FLNB: variants seen among roughly 807,000 people sequenced by gnomAD.
FLNB encodes the protein filamin-B.
A neutral mutation model predicts 250.6 loss-of-function variants in FLNB; 111 were observed. The observed-to-expected ratio is 0.44, with a 90% CI of 0.38 to 0.52. FLNB has a LOEUF of 0.52. FLNB is among the 20% of genes least tolerant of loss of function. The probability of loss-of-function intolerance (pLI) is 0.00; values close to 1 mark genes in which losing one functional copy is unlikely to be tolerated. For missense variants in FLNB, 2,869 were observed against 3,447.8 expected (o/e 0.83, Z 4.20); for synonymous variants, 1,302 against 1,372.1 (o/e 0.95, Z 1.13).
intron 3 of FLNB, 125 bp from the exon 4 acceptor site, chr3:58,081,504 C>A: frequency 2.1e-6 from 2 of 941,222 alleles, no homozygotes; most frequent in Non-Finnish European, 1.7e-6. Flanking sequence ...AGTAATTTCA[C>A]TTAATTGAGA....
chr3:58,078,163 C>A, intron 2 of FLNB: 1 of 627,868 alleles, frequency 1.6e-6, no homozygotes, highest in Non-Finnish European at 2.0e-6. Flanking sequence ...ATTCAAAGTG[C>A]AGCATTAATT....
intron 38 of FLNB, 98 bp downstream of exon 38, chr3:58,150,325 A>G (rs561954686): frequency 2.9e-6 from 4 of 1,387,086 alleles, no homozygotes; most frequent in Non-Finnish European, 1.0e-6. Flanking sequence ...CCCAGAACAC[A>G]GTATCCAAGT....
chr3:58,031,568 T>TTA (rs11397157), intron 1 of FLNB, among the ~76,000 whole-genome samples: 1 of 147,012 alleles, frequency 6.8e-6, no homozygotes, highest in Admixed American at 6.8e-5. Flanking sequence ...TTTTTTTTTT[T>TTA]AAAGGCAGAG....
At chr3:58,098,970 A>G in intron 8 of FLNB, 62 bp downstream of exon 8, 3 of 1,446,870 alleles carry the variant, frequency 2.1e-6, no homozygotes, top group Non-Finnish European at 2.9e-6. Context: ...ACAGCTGGGC[A>G]GGGAGGCCAG....
chr3:58,133,235 C>T (rs1467822760), intron 26 of FLNB, among the ~76,000 whole-genome samples: 5 of 152,120 alleles, frequency 3.3e-5, no homozygotes, highest in African/African-American at 1.2e-4. Context: ...ATATTTGTGG[C>T]TCCCGCTCTC....
chr3:58,038,143 C>T (rs1008686413), intron 1 of FLNB, among the ~76,000 whole-genome samples: 5 of 152,050 alleles, frequency 3.3e-5, no homozygotes, highest in Admixed American at 1.3e-4. Context: ...GATTCTCCTG[C>T]CTCAGCCTCC....
intron 11 of FLNB, 47 bp downstream of exon 11, chr3:58,105,263 C>T (rs1361761654): frequency 6.2e-7 from 1 of 1,612,696 alleles, no homozygotes; most frequent in South Asian, 1.1e-5. Flanking sequence ...CTGAGGATTA[C>T]AGGGCTTCCG....
chr3:58,148,032 C>A (rs1365680362), intron 34 of FLNB, among the ~76,000 whole-genome samples, 174 bp from the exon 35 acceptor site: 5 of 152,168 alleles, frequency 3.3e-5, no homozygotes, highest in Middle Eastern at 3.2e-3. Flanking sequence ...AGGCATGAAT[C>A]CCATCATTCT....
chr3:58,081,805 G>A, intron 4 of FLNB, 29 bp downstream of exon 4: 1 of 1,612,986 alleles, frequency 6.2e-7, no homozygotes, highest in South Asian at 1.1e-5. Context: ...GTGTTGTATT[G>A]GAGACATGTC....
Position 58,170,661 on chromosome 3 carries a change from A to G in FLNB, c.7708A>G (p.Asn2570Asp). Residue 2570 changes from asparagine to aspartate, a missense_variant, in exon 46 of 46, where the codon AAC becomes GAC. Asn to Asp is a conservative substitution (Grantham distance 23, BLOSUM62 1). Around this residue, in one of 5 missense-constraint regions of FLNB, gnomAD observed 1,084 missense variants for 1,315.5 expected, o/e 0.82. Transcript: ENST00000295956. ...SMKHVGNQQY[N>D]VTYVVKERGD... is the part of the protein sequence containing the mutation. ...GAAGCATGTAGGCAACCAGCAATAC[A>G]ACGTCACATACGTCGTCAAGGAGAG... 1.2e-6 allele frequency: 2 copies of G among 1,614,100 alleles called. No individual in the cohort carries two copies. Among genetic ancestry groups the G allele is most frequent in the East Asian group, 2.2e-5 (1 of 44,868 alleles).
Position 58,169,864 on chromosome 3 carries a change from TC to T in FLNB, c.7621+74del. The T allele has an allele frequency of 7.5e-7, 1 of 1,339,312 alleles. No homozygotes were observed. Among genetic ancestry groups the T allele is most frequent in the East Asian group, 2.4e-5 (1 of 42,102 alleles). 83.0% of individuals were successfully genotyped at this position (1,339,312 alleles called of 1,614,324 possible). A position where few individuals can be genotyped will look rare whatever the true frequency, so the allele number is the denominator to read the frequency against. ...CTGGGCACCCTGGGTACACTGGCCT[TC>T]CCTGCTGAGGTCTCCTGCAGTGCCC... On this transcript the variant is annotated intron_variant, in intron 45 of 45. Coordinates refer to ENST00000295956, the MANE Select transcript of FLNB (RefSeq NM_001457.4). The surrounding 1 kb of genome is among the most constrained non-coding windows in gnomAD (Gnocchi z 4.8).
intron 1 of FLNB, among the ~76,000 whole-genome samples, chr3:58,037,835 A>G (rs763286819): frequency 6.6e-6 from 1 of 152,218 alleles, no homozygotes; most frequent in East Asian, 1.9e-4. Context: ...ACTAGAGAAC[A>G]TGATCTTAAA....
chr3:58,159,350 T>C (rs558506802), intron 41 of FLNB, among the ~76,000 whole-genome samples: 2 of 152,304 alleles, frequency 1.3e-5, no homozygotes, highest in East Asian at 3.9e-4. Flanking sequence ...ATCAAGATGG[T>C]TTGCATAAGA....
rs548818905 is a variant in FLNB at position 58,058,710 on chromosome 3, A to T, written c.293-18336A>T. Among the ~76,000 whole-genome samples, 31 of 152,332 alleles carry T rather than the reference A, an allele frequency of 2.0e-4. 2 individuals are homozygous for T. The South Asian group carries it at 6.4e-3, about 32-fold the overall frequency. ...GTCCTTTATCTGCAAAACTTCTTGAATCCAAATAGCGAGATTCTCATTTCT... is the reference window on the plus strand; with the variant it reads ...GTCCTTTATCTGCAAAACTTCTTGATTCCAAATAGCGAGATTCTCATTTCT... On this transcript the variant is annotated intron_variant, in intron 1 of 45. Transcript: ENST00000295956.
chr3:58,169,861 C>A lies in FLNB; in HGVS notation c.7621+68C>A. On this transcript the variant is annotated intron_variant, in intron 45 of 45. Coordinates refer to ENST00000295956, the MANE Select transcript of FLNB (RefSeq NM_001457.4). This position sits in a 1 kb window ranked among gnomAD's most constrained non-coding sequence, Gnocchi z 4.8. ...AGGCTGGGCACCCTGGGTACACTGG[C>A]CTTCCCTGCTGAGGTCTCCTGCAGT... is the stretch of plus-strand genomic sequence containing the variant. 1 of 1,362,456 alleles carries A rather than the reference C, an allele frequency of 7.3e-7. No homozygotes were observed. Among genetic ancestry groups the A allele is most frequent in the East Asian group, 2.4e-5 (1 of 42,378 alleles). 84.4% of individuals were successfully genotyped at this position (1,362,456 alleles called of 1,614,324 possible).
At chr3:58,010,179 C>A (rs11920912) in intron 1 of FLNB, among the ~76,000 whole-genome samples, 1 of 151,976 alleles carries the variant, frequency 6.6e-6, no homozygotes, top group African/African-American at 2.4e-5. Flanking sequence ...GGATCTCTTC[C>A]TAAGGAGAAC....
At chr3:58,086,684 C>T (rs113893281) in intron 4 of FLNB, among the ~76,000 whole-genome samples, 1 of 152,196 alleles carries the variant, frequency 6.6e-6, no homozygotes, top group African/African-American at 2.4e-5. Flanking sequence ...AACAAATGAC[C>T]TAGTGTCTTT....
At position 58,163,479 on chromosome 3, in the gene FLNB, A is replaced by G. The variant is rs958740573; in HGVS notation, c.7198+149A>G. 6.4e-6 allele frequency: 5 copies of G among 781,592 alleles called. No individual in the cohort carries two copies. The Admixed American group carries it at 9.6e-5, about 15-fold the overall frequency. The allele number at this position is 781,592 out of a possible 1,614,324, so 48.4% of individuals were successfully genotyped here. A position where few individuals can be genotyped will look rare whatever the true frequency, so the allele number is the denominator to read the frequency against. On this transcript the variant is annotated intron_variant, in intron 43 of 45. Coordinates refer to ENST00000295956, the MANE Select transcript of FLNB (RefSeq NM_001457.4). ...ACACTTCGGAGGCGCTTGCTGTCCA[A>G]AGCTGTTTTGGGAGTTGCGGTTTGA... is the stretch of plus-strand genomic sequence containing the variant.
chr3:58,078,831 C>T lies in FLNB; in HGVS notation c.639+17C>T. On this transcript the variant is annotated intron_variant, in intron 3 of 45. Transcript: ENST00000295956. The stretch of plus-strand genomic sequence containing the variant: ...GTCCCACAGGTATGCACAAGTGTGC[C>T]AGGTCCTGTGAGGCTGCCCCCACCC... 6.3e-7 allele frequency: 1 copy of T among 1,598,182 alleles called. No homozygotes were observed. The highest frequency in any genetic ancestry group is 1.3e-5 in the African/African-American group (1 of 74,814).
Sources: gnomAD v4.1 joint callset for allele counts (sites outside exome capture counted in the v4.1 genomes callset) on GRCh38, gnomAD v4.1.1 for gene constraint, gnomAD v4.1.1 regional missense constraint, Gnocchi (gnomAD v3.1) non-coding constraint, MANE v1.5 for transcripts, NCBI Gene and HGNC (gene_info 2026-07-23, HGNC 2026-07-21) for gene names.